The following PCDH11Y variants were observed in gnomAD, a reference collection of about 807,000 sequenced individuals.
PCDH11Y encodes the protein protocadherin-11 Y-linked.
For missense variants in PCDH11Y, 12 were observed against 224.8 expected (o/e 0.05, Z 6.05); for synonymous variants, 9 against 83.6 (o/e 0.11, Z 4.87).
intron 2 of PCDH11Y, among the ~76,000 whole-genome samples, chrY:5,185,356 G>T: frequency 3.0e-5 from 1 of 33,160 alleles, no homozygotes; most frequent in Non-Finnish European, 7.4e-5. Flanking sequence ...TGAGATTACA[G>T]GCATGAGCCA....
At chrY:5,621,357 C>T in intron 4 of PCDH11Y, among the ~76,000 whole-genome samples, 1 of 32,344 alleles carries the variant, frequency 3.1e-5, no homozygotes, top group Admixed American at 2.9e-4. Flanking sequence ...GGGAACACTT[C>T]AAGGACAACT....
intron 3 of PCDH11Y, among the ~76,000 whole-genome samples, chrY:5,045,983 CT>C (rs2052636478): frequency 6.0e-5 from 2 of 33,208 alleles, no homozygotes; most frequent in East Asian, 1.6e-3. Flanking sequence ...AAGCACTTCT[CT>C]GTATTGGTTA....
chrY:5,680,896 A>T, intron 4 of PCDH11Y, among the ~76,000 whole-genome samples: 1 of 32,419 alleles, frequency 3.1e-5, no homozygotes, highest in African/African-American at 1.2e-4. Flanking sequence ...CTTAAAGGGG[A>T]GGTAGGGAAA....
In PCDH11Y at chrY:5,241,988, C is replaced by A. The variant is rs2052988778; in HGVS notation, c.3129+141281C>A. Reference sequence around the variant, plus strand: ...TAGTAGGTGGGGCACGGTGGCTCACCCCTGTAATCCCAACACTTTGGGAGG... The same window carrying A: ...TAGTAGGTGGGGCACGGTGGCTCACACCTGTAATCCCAACACTTTGGGAGG... On this transcript the variant is annotated intron_variant, in intron 2 of 4. Coordinates refer to the PCDH11Y transcript ENST00000400457. Among the ~76,000 whole-genome samples the A allele has an allele frequency of 1.0e-4, 3 of 29,878 alleles. No homozygotes were observed. In the South Asian group the frequency reaches 2.5e-3, roughly 25 times the overall value. 80.2% of individuals were successfully genotyped at this position (29,878 alleles called of 37,273 possible).
chrY:5,622,553 G>A, intron 4 of PCDH11Y, among the ~76,000 whole-genome samples: 1 of 29,257 alleles, frequency 3.4e-5, no homozygotes. Context: ...CTCATGACTG[G>A]ATATATACCT....
intron 1 of PCDH11Y, among the ~76,000 whole-genome samples, chrY:5,027,421 A>C: frequency 1.2e-4 from 3 of 25,468 alleles, no homozygotes; most frequent in Admixed American, 3.8e-4. Context: ...ATAATCTAGT[A>C]TATTTTATGT....
chrY:5,383,772 C>T (rs2053207927), intron 2 of PCDH11Y, among the ~76,000 whole-genome samples: 1 of 31,645 alleles, frequency 3.2e-5, no homozygotes, highest in Admixed American at 2.9e-4. Context: ...GCACGCACTG[C>T]CATTTCCAGC....
At chrY:5,407,181 CAA>C (rs2124677637) in intron 2 of PCDH11Y, among the ~76,000 whole-genome samples, 1 of 29,472 alleles carries the variant, frequency 3.4e-5, no homozygotes, top group Admixed American at 3.3e-4. Context: ...AAGTAATTAA[CAA>C]GAGAGAGTGT....
intron 2 of PCDH11Y, among the ~76,000 whole-genome samples, chrY:5,417,277 G>T: frequency 3.4e-5 from 1 of 29,237 alleles, no homozygotes; most frequent in Non-Finnish European, 8.2e-5. Context: ...TACATAAGGA[G>T]AGAAACAAAC....
intron 2 of PCDH11Y, among the ~76,000 whole-genome samples, chrY:5,244,686 G>T: frequency 2.9e-5 from 1 of 34,189 alleles, no homozygotes; most frequent in African/African-American, 1.1e-4. Context: ...CCACGGAGCT[G>T]CATAGATTCT....
intron 1 of PCDH11Y, among the ~76,000 whole-genome samples, chrY:5,058,355 A>G: frequency 3.2e-5 from 1 of 31,542 alleles, no homozygotes; most frequent in South Asian, 7.2e-4. Flanking sequence ...GAAATAGTAC[A>G]ATGCACTTGA....
At chrY:5,021,563 T>A in intron 1 of PCDH11Y, among the ~76,000 whole-genome samples, 2 of 32,122 alleles carry the variant, frequency 6.2e-5, no homozygotes, top group Non-Finnish European at 1.5e-4. Flanking sequence ...ATTTTCACAC[T>A]CTTCCATTTT....
chrY:5,738,977 T>C (rs2053614094), exon 5 of PCDH11Y: 1 of 32,370 alleles, frequency 3.1e-5, no homozygotes, highest in Non-Finnish European at 7.6e-5. Flanking sequence ...AAATAACAAA[T>C]ACATGTAACT....
intron 3 of PCDH11Y, among the ~76,000 whole-genome samples, chrY:5,513,255 G>T (rs2124689261): frequency 3.1e-5 from 1 of 32,063 alleles, no homozygotes; most frequent in South Asian, 7.2e-4. Context: ...GGATGGTTTC[G>T]ATCTCCTGAC....
chrY:5,029,781 G>T lies in PCDH11Y; in HGVS notation c.-133-2125G>T, dbSNP rs766358014. 1.0e-3 allele frequency among the ~76,000 whole-genome samples: 30 copies of T among 29,302 alleles called. No individual in the cohort carries two copies. In the South Asian group the frequency reaches 0.024, roughly 24 times the overall value. The allele number at this position is 29,302 out of a possible 37,273, so 78.6% of individuals were successfully genotyped here. A position where few individuals can be genotyped will look rare whatever the true frequency, so the allele number is the denominator to read the frequency against. ...CAACTAAAAATACAAAAATTAGCTG[G>T]GCATGGTGACGGGTGCCTGTAATCC... On this transcript the variant is annotated intron_variant, in intron 1 of 5. Coordinates refer to the PCDH11Y transcript ENST00000333703.
intron 4 of PCDH11Y, among the ~76,000 whole-genome samples, chrY:5,585,572 C>T (rs2053454715): frequency 6.2e-5 from 2 of 32,164 alleles, no homozygotes; most frequent in Non-Finnish European, 1.5e-4. Context: ...ATGAAGCAGC[C>T]GTTTCATTTA....
intron 3 of PCDH11Y, among the ~76,000 whole-genome samples, chrY:5,046,707 CAGCCTCG>C (rs2052641819): frequency 3.0e-5 from 1 of 33,692 alleles, no homozygotes; most frequent in South Asian, 6.9e-4. Flanking sequence ...GCCCCTCCCC[CAGCCTCG>C]CTGCCGCCTT....
At chrY:5,474,623 T>C (rs1602930659) in intron 2 of PCDH11Y, among the ~76,000 whole-genome samples, 6 of 33,179 alleles carry the variant, frequency 1.8e-4, no homozygotes, top group African/African-American at 7.0e-4. Flanking sequence ...TACTTTATTC[T>C]TCTTTTCAAG....
At chrY:5,508,436 A>C in intron 3 of PCDH11Y, among the ~76,000 whole-genome samples, 3 of 33,115 alleles carry the variant, frequency 9.1e-5, no homozygotes, top group South Asian at 6.6e-4. Context: ...CACTAGGTAC[A>C]TGGTCTTTAT....
Sources: allele counts gnomAD v4.1 joint callset (sites outside exome capture counted in the v4.1 genomes callset), GRCh38; gene constraint gnomAD v4.1.1; transcripts MANE v1.5; gene names NCBI Gene and HGNC (gene_info 2026-07-23, HGNC 2026-07-21).